The following PTPRD variants were observed in gnomAD, a reference collection of about 807,000 sequenced individuals.
PTPRD encodes the protein receptor-type tyrosine-protein phosphatase delta.
In PTPRD, 34 loss-of-function variants were observed where a neutral mutation model predicts 214.5. The ratio of observed to expected loss-of-function variants is 0.16; its 90% CI spans 0.12 to 0.21. PTPRD has a LOEUF of 0.21. Among genes scored for constraint, PTPRD ranks in the 10% least tolerant of loss-of-function variants. The pLI is 1.00. For synonymous variants in PTPRD, 1,128 were observed against 845.7 expected (o/e 1.33, Z -5.79); for missense variants, 2,545 against 2,398.7 (o/e 1.06, Z -1.27).
chr9:8,642,357 T>C (rs1595898769), intron 12 of PTPRD, among the ~76,000 whole-genome samples: 1 of 152,226 alleles, frequency 6.6e-6, no homozygotes, highest in South Asian at 2.1e-4. Flanking sequence ...TTTCCTTAAA[T>C]ACAGAGTTTT....
intron 2 of PTPRD, among the ~76,000 whole-genome samples, chr9:10,571,865 T>C (rs546027072): frequency 1.3e-5 from 2 of 152,200 alleles, no homozygotes; most frequent in South Asian, 2.1e-4. Context: ...CCGCTGCTGA[T>C]CTGAAAGGAG....
At chr9:9,370,979 A>T (rs1179450035) in intron 9 of PTPRD, among the ~76,000 whole-genome samples, 1 of 152,232 alleles carries the variant, frequency 6.6e-6, no homozygotes, top group African/African-American at 2.4e-5. Context: ...ATCATGGTGG[A>T]TAAGTTTTTT....
At chr9:10,255,952 C>G (rs2093233736) in intron 3 of PTPRD, among the ~76,000 whole-genome samples, 2 of 152,180 alleles carry the variant, frequency 1.3e-5, no homozygotes, top group South Asian at 4.1e-4. Context: ...CCAGGTTGCA[C>G]AGAAGGAGGT....
At chr9:9,063,460 C>A (rs899775848) in intron 10 of PTPRD, among the ~76,000 whole-genome samples, 5 of 152,166 alleles carry the variant, frequency 3.3e-5, no homozygotes, top group African/African-American at 1.2e-4. Flanking sequence ...CTTCCCTTAT[C>A]CTATCAAAGC....
chr9:10,301,305 T>C (rs902961527), intron 3 of PTPRD, among the ~76,000 whole-genome samples: 6 of 152,058 alleles, frequency 3.9e-5, no homozygotes, highest in Non-Finnish European at 8.8e-5. Flanking sequence ...TCCACAAAGA[T>C]GGGGAGAAAC....
intron 5 of PTPRD, among the ~76,000 whole-genome samples, chr9:9,772,072 G>T (rs1462472054): frequency 6.6e-6 from 1 of 152,092 alleles, no homozygotes; most frequent in Non-Finnish European, 1.5e-5. Flanking sequence ...GAGTATAAGT[G>T]TATTTAGAGA....
chr9:10,179,173 G>C (rs969502214), intron 3 of PTPRD, among the ~76,000 whole-genome samples: 2 of 151,940 alleles, frequency 1.3e-5, no homozygotes, highest in African/African-American at 4.8e-5. Flanking sequence ...AACAGCAGTG[G>C]ATGCAGCAAG....
intron 12 of PTPRD, among the ~76,000 whole-genome samples, chr9:8,695,668 T>C (rs1313249505): frequency 1.3e-5 from 2 of 152,180 alleles, no homozygotes; most frequent in African/African-American, 2.4e-5. Context: ...TCAAAGCTAC[T>C]ATAGCTGAAC....
At position 8,685,864 on chromosome 9, in the gene PTPRD, C is replaced by T. The variant is rs529515658; in HGVS notation, c.64+47916G>A. On this transcript the variant is annotated intron_variant, in intron 12 of 45. Transcript: ENST00000381196. ...AAATAAATAAAAATAAAATGCCAAA[C>T]GAGCACTAGGCTCCTCTTTATTATG... Among the ~76,000 whole-genome samples the T allele has an allele frequency of 6.6e-5, 10 of 152,196 alleles. No homozygotes were observed. The East Asian group carries it at 1.2e-3, about 18-fold the overall frequency.
intron 9 of PTPRD, among the ~76,000 whole-genome samples, chr9:9,344,550 T>C (rs2048100934): frequency 6.6e-6 from 1 of 152,102 alleles, no homozygotes; most frequent in Middle Eastern, 3.4e-3. Context: ...GAATAAAGTA[T>C]ATATATATGC....
At chr9:9,633,168 G>A (rs1179180501) in intron 7 of PTPRD, among the ~76,000 whole-genome samples, 2 of 151,930 alleles carry the variant, frequency 1.3e-5, no homozygotes, top group Non-Finnish European at 2.9e-5. Context: ...GAGGGTGGGC[G>A]CCTGTAATTC....
chr9:9,903,862 T>C (rs902868820), intron 5 of PTPRD, among the ~76,000 whole-genome samples: 1 of 152,162 alleles, frequency 6.6e-6, no homozygotes, highest in Non-Finnish European at 1.5e-5. Flanking sequence ...AACTGTCTTC[T>C]AAGTTACATT....
chr9:8,685,795 T>C (rs1309250821), intron 12 of PTPRD, among the ~76,000 whole-genome samples: 2 of 152,212 alleles, frequency 1.3e-5, no homozygotes, highest in Non-Finnish European at 2.9e-5. Flanking sequence ...ACTGAAATCT[T>C]TCCCAAAGCA....
rs752054681 is a variant in PTPRD at position 10,569,586 on chromosome 9, A to T, written c.-600+42812T>A. Among the ~76,000 whole-genome samples, 10 of 152,056 alleles carry T rather than the reference A, an allele frequency of 6.6e-5. No homozygotes were observed. The East Asian group carries it at 1.4e-3, about 21-fold the overall frequency. ...CCTCCATTGAGTAGATACTATACAA[A>T]TATATTGTAAATTAGGGTTGATAAA... On this transcript the variant is annotated intron_variant, in intron 2 of 45. Transcript: ENST00000381196.
chr9:8,401,613 A>G (rs920026464), intron 36 of PTPRD, among the ~76,000 whole-genome samples: 3 of 152,170 alleles, frequency 2.0e-5, no homozygotes, highest in African/African-American at 7.2e-5. Flanking sequence ...CTATTTTCAA[A>G]AAGTTCAATA....
chr9:10,400,543 A>C (rs906898908), intron 2 of PTPRD, among the ~76,000 whole-genome samples: 7 of 151,676 alleles, frequency 4.6e-5, no homozygotes, highest in Non-Finnish European at 7.4e-5. Context: ...AAATGAAATA[A>C]ATCTGTAAAA....
chr9:10,340,098 G>C (rs2096911453), intron 3 of PTPRD, among the ~76,000 whole-genome samples: 1 of 151,604 alleles, frequency 6.6e-6, no homozygotes, highest in African/African-American at 2.4e-5. Flanking sequence ...CTAATTACTT[G>C]TTCAATAATT....
intron 5 of PTPRD, among the ~76,000 whole-genome samples, chr9:9,880,182 A>G (rs1403377408): frequency 6.6e-6 from 1 of 152,006 alleles, no homozygotes; most frequent in Admixed American, 6.6e-5. Flanking sequence ...CTCTTTCTCT[A>G]TTGCTTGCTG....
chr9:9,325,223 G>C (rs187751943), intron 9 of PTPRD, among the ~76,000 whole-genome samples: 63 of 152,290 alleles, frequency 4.1e-4, no homozygotes, highest in African/African-American at 1.3e-3. Flanking sequence ...CTCCAATTCT[G>C]TGAAGAAAGT....
Sources: allele counts gnomAD v4.1 joint callset (sites outside exome capture counted in the v4.1 genomes callset), GRCh38; gene constraint gnomAD v4.1.1; transcripts MANE v1.5; gene names NCBI Gene and HGNC (gene_info 2026-07-23, HGNC 2026-07-21).